Variants in IL33 observed in about 807,000 individuals in gnomAD.
IL33 encodes interleukin 33.
A neutral mutation model predicts 27.3 loss-of-function variants in IL33; 37 were observed. That is an observed-to-expected ratio of 1.36 (90% CI 1.04 to 1.78). IL33 has a LOEUF of 1.78. Among genes scored for constraint, IL33 ranks in the 40% most tolerant of loss-of-function variants. The probability of loss-of-function intolerance (pLI) is 0.00; values close to 1 mark genes in which losing one functional copy is unlikely to be tolerated. For synonymous variants in IL33, 132 were observed against 102.9 expected (o/e 1.28, Z -1.71); for missense variants, 406 against 311.4 (o/e 1.30, Z -2.29).
At chr9:6,222,938 C>T (rs1818472359) in intron 1 of IL33, among the ~76,000 whole-genome samples, 1 of 151,950 alleles carries the variant, frequency 6.6e-6, no homozygotes, top group African/African-American at 2.4e-5. Flanking sequence ...ATATATCATA[C>T]ACATAAACTA....
intron 4 of IL33, 34 bp downstream of exon 4, chr9:6,251,299 G>A (rs138828591): frequency 0.013 from 20,232 of 1,609,506 alleles, 166 homozygotes; most frequent in Non-Finnish European, 0.015. Flanking sequence ...GTGGGAGTGA[G>A]GAGGGAGGTA....
At chr9:6,250,056 T>C (rs1365512048) in intron 2 of IL33, among the ~76,000 whole-genome samples, 1 of 152,174 alleles carries the variant, frequency 6.6e-6, no homozygotes, top group Non-Finnish European at 1.5e-5. Flanking sequence ...CTCCCTCATA[T>C]GGAATTCTGA....
At chr9:6,218,637 T>A (rs7858042) in intron 1 of IL33, among the ~76,000 whole-genome samples, 5 of 145,264 alleles carry the variant, frequency 3.4e-5, no homozygotes, top group African/African-American at 1.3e-4. Flanking sequence ...ATATATATAT[T>A]TTTTCTCCCT....
chr9:6,241,818 G>T (rs576831554), intron 2 of IL33, 33 bp downstream of exon 2: 1 of 1,430,494 alleles, frequency 7.0e-7, no homozygotes, highest in South Asian at 1.2e-5. Context: ...AATGTTTTAC[G>T]CACTATTTTT....
chr9:6,256,085 G>T lies in IL33; in HGVS notation c.730G>T (p.Asp244Tyr). 6.2e-7 allele frequency: 1 copy of T among 1,612,858 alleles called. No individual in the cohort carries two copies. Among genetic ancestry groups the T allele is most frequent in the Non-Finnish European group, 8.5e-7 (1 of 1,178,978 alleles). ...TDPGVFIGVK[D>Y]NHLALIKVDS... ...TCCTGGAGTGTTTATAGGTGTAAAG[G>T]ATAATCATCTTGCTCTGATTAAAGT... Residue 244 changes from aspartate to tyrosine, a missense_variant, in exon 8 of 8, where the codon GAT becomes TAT. Transcript: ENST00000682010.
At chr9:6,241,564 C>G (rs1485129747) in intron 1 of IL33, 120 bp from the exon 2 acceptor site, 4 of 581,320 alleles carry the variant, frequency 6.9e-6, no homozygotes, top group Non-Finnish European at 1.2e-5. Flanking sequence ...TCAAACTTTA[C>G]TGAAATAATT....
At chr9:6,235,646 T>C (rs1191228288) in intron 1 of IL33, among the ~76,000 whole-genome samples, 4 of 152,200 alleles carry the variant, frequency 2.6e-5, no homozygotes, top group Non-Finnish European at 5.9e-5. Context: ...TTTCTTAGTT[T>C]AGGTAGAGTC....
intron 1 of IL33, among the ~76,000 whole-genome samples, chr9:6,216,999 A>C (rs1818174843): frequency 6.6e-6 from 1 of 152,150 alleles, no homozygotes; most frequent in Non-Finnish European, 1.5e-5. Context: ...AAATCTCCCC[A>C]AAAATTTGGA....
intron 2 of IL33, among the ~76,000 whole-genome samples, chr9:6,243,791 T>G (rs939892988): frequency 1.4e-4 from 21 of 152,226 alleles, no homozygotes; most frequent in Non-Finnish European, 1.5e-5. Flanking sequence ...TTGTCCTTCA[T>G]GCTCCTTTCC....
chr9:6,252,702 T>C (rs971437001), intron 4 of IL33, among the ~76,000 whole-genome samples, 164 bp from the exon 5 acceptor site: 2 of 152,194 alleles, frequency 1.3e-5, no homozygotes, highest in African/African-American at 4.8e-5. Flanking sequence ...AAGGGTCACA[T>C]CTCAGCCTTT....
chr9:6,246,487 A>G (rs1325044130), intron 2 of IL33, among the ~76,000 whole-genome samples: 1 of 152,030 alleles, frequency 6.6e-6, no homozygotes, highest in Non-Finnish European at 1.5e-5. Flanking sequence ...GCTGGAACCC[A>G]GGAGGCAGAG....
intron 1 of IL33, among the ~76,000 whole-genome samples, chr9:6,236,522 A>G (rs1474969510): frequency 6.6e-6 from 1 of 152,210 alleles, no homozygotes; most frequent in Admixed American, 6.5e-5. Context: ...TAGAGCCTAT[A>G]TTGCAAAGAT....
chr9:6,251,386 G>T, intron 4 of IL33, 121 bp downstream of exon 4: 1 of 1,453,680 alleles, frequency 6.9e-7, no homozygotes, highest in African/African-American at 1.4e-5. Flanking sequence ...AGAAACTTCT[G>T]CCCATTTGCA....
intron 1 of IL33, among the ~76,000 whole-genome samples, chr9:6,234,425 C>G (rs544286469): frequency 1.3e-5 from 2 of 152,306 alleles, no homozygotes; most frequent in South Asian, 4.2e-4. Flanking sequence ...CCTTCACCAC[C>G]CTGCTTCCCC....
intron 1 of IL33, among the ~76,000 whole-genome samples, chr9:6,236,574 G>A (rs550185098): frequency 1.5e-4 from 23 of 152,282 alleles, no homozygotes; most frequent in African/African-American, 5.1e-4. Context: ...CTCTTTGACA[G>A]TGCTACAACT....
At chr9:6,232,894 A>C (rs1171183908) in intron 1 of IL33, among the ~76,000 whole-genome samples, 1 of 152,188 alleles carries the variant, frequency 6.6e-6, no homozygotes, top group Non-Finnish European at 1.5e-5. Context: ...TTTCTCTCTA[A>C]GATAAGGAAC....
chr9:6,253,644 A>G, intron 6 of IL33, 42 bp downstream of exon 6: 1 of 1,485,792 alleles, frequency 6.7e-7, no homozygotes, highest in East Asian at 2.3e-5. Flanking sequence ...TGAATTCTTA[A>G]GTATGGGGTA....
intron 1 of IL33, among the ~76,000 whole-genome samples, chr9:6,228,633 G>T (rs1014657081): frequency 2.0e-5 from 3 of 151,942 alleles, no homozygotes; most frequent in Non-Finnish European, 4.4e-5. Flanking sequence ...AAGGTGGAAG[G>T]ATCACTTGAG....
At chr9:6,225,707 A>G (rs1296479031) in intron 1 of IL33, among the ~76,000 whole-genome samples, 1 of 152,090 alleles carries the variant, frequency 6.6e-6, no homozygotes, top group Non-Finnish European at 1.5e-5. Context: ...TCAATGACTG[A>G]CATTACAATC....
Sources: gnomAD v4.1 joint callset for allele counts (sites outside exome capture counted in the v4.1 genomes callset) on GRCh38, gnomAD v4.1.1 for gene constraint, MANE v1.5 for transcripts, NCBI Gene and HGNC (gene_info 2026-07-23, HGNC 2026-07-21) for gene names.